The following TMEM144 variants were observed in gnomAD, a reference collection of about 807,000 sequenced individuals.
TMEM144 encodes the protein transmembrane protein 144.
In TMEM144, 39 loss-of-function variants were observed where a neutral mutation model predicts 43.6. The ratio of observed to expected loss-of-function variants is 0.90; its 90% CI spans 0.69 to 1.17. TMEM144 has a LOEUF of 1.17. TMEM144 is among the 50% of genes most tolerant of loss of function. The pLI is 0.00. For missense variants in TMEM144, 417 were observed against 411.9 expected (o/e 1.01, Z -0.11); for synonymous variants, 154 against 133.6 (o/e 1.15, Z -1.06).
chr4:158,241,965 AAAAC>A (rs1350902859), intron 11 of TMEM144, among the ~76,000 whole-genome samples: 2 of 152,246 alleles, frequency 1.3e-5, no homozygotes, highest in African/African-American at 4.8e-5. Context: ...GGAACATTGA[AAAAC>A]AAACAAACAA....
intron 12 of TMEM144, among the ~76,000 whole-genome samples, chr4:158,244,676 G>C (rs182014851): frequency 6.6e-6 from 1 of 152,098 alleles, no homozygotes; most frequent in Admixed American, 6.5e-5. Context: ...TCTCAAAAAA[G>C]AAAAGAAAAT....
chr4:158,221,319 G>A (rs1415948707), intron 6 of TMEM144, among the ~76,000 whole-genome samples: 1 of 152,126 alleles, frequency 6.6e-6, no homozygotes, highest in African/African-American at 2.4e-5. Context: ...CTGACCGACT[G>A]CTCCTGCTGA....
At chr4:158,237,089 G>A in intron 8 of TMEM144, among the ~76,000 whole-genome samples, 1 of 152,150 alleles carries the variant, frequency 6.6e-6, no homozygotes, top group Non-Finnish European at 1.5e-5. Context: ...AATGCATTTA[G>A]TACTTAGTCT....
At chr4:158,217,537 A>G in intron 5 of TMEM144, 117 bp downstream of exon 5, 1 of 708,020 alleles carries the variant, frequency 1.4e-6, no homozygotes, top group Non-Finnish European at 2.4e-6. Context: ...TATAGCTGGT[A>G]AAACATACAC....
chr4:158,213,789 T>C (rs1225482229), intron 3 of TMEM144: 1 of 152,138 alleles, frequency 6.6e-6, no homozygotes, highest in African/African-American at 2.4e-5. Context: ...ACTTAGAAAA[T>C]AGGATTACCT....
chr4:158,214,795 C>G (rs555127782), intron 3 of TMEM144, among the ~76,000 whole-genome samples: 2 of 152,254 alleles, frequency 1.3e-5, no homozygotes, highest in South Asian at 4.2e-4. Context: ...TTTTGGGAAG[C>G]AAGAGTACTC....
chr4:158,236,565 G>T (rs1202499743), intron 8 of TMEM144, among the ~76,000 whole-genome samples: 1 of 152,098 alleles, frequency 6.6e-6, no homozygotes, highest in African/African-American at 2.4e-5. Context: ...GTGGTCTTGT[G>T]AATTTCTACA....
chr4:158,249,880 A>G (rs894519656), intron 12 of TMEM144, among the ~76,000 whole-genome samples: 28 of 112,568 alleles, frequency 2.5e-4, no homozygotes, highest in African/African-American at 7.3e-4. Flanking sequence ...TCCAAAGCCT[A>G]CTGCCAGGTG....
Position 158,251,681 on chromosome 4 carries a change from A to G in TMEM144, c.955-1763A>G, listed in dbSNP as rs75783468. ...ATCACACACCCACCAGCACCATGAC[A>G]GTTCTGGGACCACCCATATTTGGTG... On this transcript the variant is annotated intron_variant, in intron 12 of 12. Coordinates refer to ENST00000296529, the MANE Select transcript of TMEM144 (RefSeq NM_018342.5). Among the ~76,000 whole-genome samples, 694 of 152,314 alleles carry G rather than the reference A, an allele frequency of 4.6e-3. 6 individuals carry two copies. The highest frequency in any genetic ancestry group is 7.6e-3 in the Admixed American group (116 of 15,302).
chr4:158,253,340 C>A, intron 12 of TMEM144, 104 bp from the exon 13 acceptor site: 2 of 911,394 alleles, frequency 2.2e-6, no homozygotes, highest in Non-Finnish European at 3.3e-6. Context: ...AGGGTACAGG[C>A]GGCTAGAGCA....
At chr4:158,222,804 T>C (rs942770085) in intron 6 of TMEM144, among the ~76,000 whole-genome samples, 2 of 152,224 alleles carry the variant, frequency 1.3e-5, no homozygotes, top group African/African-American at 4.8e-5. Flanking sequence ...ACTAAGTGTG[T>C]GATGTACGGG....
rs1160560668 is a variant in TMEM144 at position 158,237,725 on chromosome 4, TG to T, written c.682+85del. 2.7e-5 allele frequency: 26 copies of T among 966,504 alleles called. No individual in the cohort carries two copies. The East Asian group carries it at 6.7e-4, about 25-fold the overall frequency. 59.9% of individuals were successfully genotyped at this position (966,504 alleles called of 1,614,324 possible). The stretch of plus-strand genomic sequence containing the variant: ...GAATTGTGATAATAGTAAATATTGA[TG>T]GGTCGATTCGATCTTTCTTTGTCCT... On this transcript the variant is annotated intron_variant, in intron 9 of 12. Transcript: ENST00000296529.
In TMEM144 at chr4:158,253,446, T is replaced by TCTACAAAA. The variant is rs1347589858; in HGVS notation, c.962_969dup (p.Leu324LysfsTer5). 1 of 1,611,572 alleles carries TCTACAAAA rather than the reference T, an allele frequency of 6.2e-7. No homozygotes were observed. Among genetic ancestry groups the TCTACAAAA allele is most frequent in the Non-Finnish European group, 8.5e-7 (1 of 1,178,530 alleles). On this transcript the variant is annotated frameshift_variant, in exon 13 of 13. Coordinates refer to ENST00000296529, the MANE Select transcript of TMEM144 (RefSeq NM_018342.5). LOFTEE classifies it high-confidence loss of function. ...TGTTATTCTTTTTTCTTATTCAGGG[T>TCTACAAAA]CTACAAAACTACCTATTAATGATAC...
chr4:158,241,241 T>G (rs1735621543), intron 10 of TMEM144, among the ~76,000 whole-genome samples: 2 of 152,166 alleles, frequency 1.3e-5, no homozygotes, highest in South Asian at 4.1e-4. Flanking sequence ...TAGTCCCCTT[T>G]TCATCACCCA....
intron 6 of TMEM144, among the ~76,000 whole-genome samples, chr4:158,228,281 T>TAA (rs201279628): frequency 0.042 from 6,410 of 151,898 alleles, 206 homozygotes; most frequent in South Asian, 0.084. Flanking sequence ...AAAGTGCCGA[T>TAA]AAAGGCATGC....
chr4:158,235,422 C>T lies in TMEM144; in HGVS notation c.496-16C>T, dbSNP rs751889125. ...GAATGTTCTTTTGTTTTAATTTGGGCCAATGTTTTCAATAGGTGATCAACA... is the reference window on the plus strand; with the variant it reads ...GAATGTTCTTTTGTTTTAATTTGGGTCAATGTTTTCAATAGGTGATCAACA... On this transcript the variant is annotated splice_polypyrimidine_tract_variant and intron_variant, in intron 7 of 12. Coordinates refer to ENST00000296529, the MANE Select transcript of TMEM144 (RefSeq NM_018342.5). 3 of 1,612,366 alleles carry T rather than the reference C, an allele frequency of 1.9e-6. No homozygotes were observed. The highest frequency in any genetic ancestry group is 2.5e-6 in the Non-Finnish European group (3 of 1,179,230).
At chr4:158,220,277 A>G (rs1273276257) in intron 6 of TMEM144, among the ~76,000 whole-genome samples, 2 of 152,226 alleles carry the variant, frequency 1.3e-5, no homozygotes, top group Non-Finnish European at 2.9e-5. Flanking sequence ...CTAAAATAGC[A>G]GATTCCTGAC....
intron 11 of TMEM144, among the ~76,000 whole-genome samples, chr4:158,241,809 G>A (rs1735651936): frequency 1.3e-5 from 2 of 152,118 alleles, no homozygotes; most frequent in African/African-American, 4.8e-5. Flanking sequence ...CATTTTAGCA[G>A]GGCTGTTACT....
At chr4:158,252,820 A>G (rs1166356863) in intron 12 of TMEM144, among the ~76,000 whole-genome samples, 1 of 151,626 alleles carries the variant, frequency 6.6e-6, no homozygotes, top group Non-Finnish European at 1.5e-5. Context: ...AAAAAAAAAA[A>G]AAGAAAAAAA....
Sources: gnomAD v4.1 joint callset for allele counts (sites outside exome capture counted in the v4.1 genomes callset) on GRCh38, gnomAD v4.1.1 for gene constraint, MANE v1.5 for transcripts, NCBI Gene and HGNC (gene_info 2026-07-23, HGNC 2026-07-21) for gene names.